PPEF2: variants seen among roughly 807,000 people sequenced by gnomAD.
PPEF2 encodes the protein protein phosphatase with EF-hand domain 2.
A neutral mutation model predicts 84.7 loss-of-function variants in PPEF2; 84 were observed. The observed-to-expected ratio is 0.99, with a 90% CI of 0.83 to 1.19. PPEF2 has a LOEUF of 1.19. Ranked by LOEUF, PPEF2 falls within the 50% of genes most tolerant of loss-of-function variation. PPEF2 has a pLI of 0.00. For missense variants in PPEF2, 924 were observed against 937.5 expected (o/e 0.99, Z 0.19); for synonymous variants, 346 against 345.2 (o/e 1.00, Z -0.03).
chr4:75,898,729 T>G (rs1174726157), intron 1 of PPEF2, among the ~76,000 whole-genome samples: 1 of 152,244 alleles, frequency 6.6e-6, no homozygotes, highest in African/African-American at 2.4e-5. Context: ...ATTTATTTTT[T>G]GCTGACACAT....
chr4:75,896,031 A>G (rs1417654385), intron 2 of PPEF2, among the ~76,000 whole-genome samples: 4 of 152,158 alleles, frequency 2.6e-5, no homozygotes, highest in Non-Finnish European at 5.9e-5. Context: ...GTACCTGGGT[A>G]GTTTGGGATC....
At chr4:75,876,207 A>G (rs1724402130) in intron 11 of PPEF2, 80 bp downstream of exon 11, 8 of 1,495,958 alleles carry the variant, frequency 5.3e-6, no homozygotes, top group Non-Finnish European at 7.1e-6. Flanking sequence ...GCCTCAAAAC[A>G]TATCCTGAGT....
intron 16 of PPEF2, among the ~76,000 whole-genome samples, chr4:75,861,925 A>G (rs986005624): frequency 2.3e-4 from 35 of 151,162 alleles, no homozygotes; most frequent in Admixed American, 2.2e-3. Context: ...ACAGTTTTAT[A>G]GCTAAAAAAA....
At chr4:75,861,347 A>G (rs777589693) in intron 16 of PPEF2, among the ~76,000 whole-genome samples, 10 of 151,888 alleles carry the variant, frequency 6.6e-5, no homozygotes, top group Non-Finnish European at 1.3e-4. Flanking sequence ...GGCCATTAAA[A>G]TCCTCTGGAC....
In PPEF2 at chr4:75,891,564, T is replaced by C. The variant is rs932157973; in HGVS notation, c.241+84A>G. 8 of 1,442,172 alleles carry C rather than the reference T, an allele frequency of 5.5e-6. No individual in the cohort carries two copies. The Admixed American group carries it at 1.1e-4, about 20-fold the overall frequency. The allele number at this position is 1,442,172 out of a possible 1,614,324, so 89.3% of individuals were successfully genotyped here. ...CCCTGGCTGTCACCAGATTCACGGT[T>C]TCACTCCCTGTGCATCCCCCACCTC... On this transcript the variant is annotated intron_variant, in intron 4 of 16. Coordinates refer to ENST00000286719, the MANE Select transcript of PPEF2 (RefSeq NM_006239.3).
chr4:75,891,800 C>T (rs770136646), intron 3 of PPEF2, 51 bp downstream of exon 3: 7 of 1,598,484 alleles, frequency 4.4e-6, no homozygotes, highest in Admixed American at 3.4e-5. Context: ...CACCCGAGCC[C>T]TGCTGCCCAA....
chr4:75,864,359 GA>G, intron 16 of PPEF2, 80 bp downstream of exon 16: 5 of 1,073,612 alleles, frequency 4.7e-6, no homozygotes, highest in South Asian at 4.0e-5. Context: ...GATGAATGAG[GA>G]TGAATCAGGA....
At chr4:75,867,083 T>C (rs967657894) in intron 14 of PPEF2, among the ~76,000 whole-genome samples, 4 of 152,164 alleles carry the variant, frequency 2.6e-5, no homozygotes, top group African/African-American at 4.8e-5. Context: ...CCTGACTCTA[T>C]TTGTTTTCAC....
chr4:75,861,027 C>G, intron 16 of PPEF2, 107 bp from the exon 17 acceptor site: 1 of 1,280,764 alleles, frequency 7.8e-7, no homozygotes, highest in Non-Finnish European at 1.1e-6. Flanking sequence ...AACAGAGAGA[C>G]ACACAAATCC....
chr4:75,867,207 TG>T, intron 14 of PPEF2, 105 bp downstream of exon 14: 2 of 735,702 alleles, frequency 2.7e-6, no homozygotes. Context: ...AAGGGAACTT[TG>T]GGTCACTCAT....
At chr4:75,878,102 C>T (rs1578007115) in intron 10 of PPEF2, among the ~76,000 whole-genome samples, 1 of 152,272 alleles carries the variant, frequency 6.6e-6, no homozygotes, top group Admixed American at 6.5e-5. Flanking sequence ...AGGAAGTGCT[C>T]TTGTACCCAT....
chr4:75,891,430 A>G (rs978420716), intron 4 of PPEF2, among the ~76,000 whole-genome samples: 2 of 152,032 alleles, frequency 1.3e-5, no homozygotes, highest in African/African-American at 2.4e-5. Flanking sequence ...GGTTTCTTGA[A>G]CTTAATAAAT....
rs34920440 is a variant in PPEF2 at position 75,882,539 on chromosome 4, C to CT, written c.933+386dup. On this transcript the variant is annotated intron_variant, in intron 10 of 16. Coordinates refer to ENST00000286719, the MANE Select transcript of PPEF2 (RefSeq NM_006239.3). ...CCTAGCCCAACTGCAGGTTCTCAAT[C>CT]TTTTTTTTTTTTTTAGAAACAGGTT... Among the ~76,000 whole-genome samples, 1,438 of 148,688 alleles carry CT rather than the reference C, an allele frequency of 9.7e-3. 12 individuals are homozygous for CT. The highest frequency in any genetic ancestry group is 0.017 in the African/African-American group (668 of 40,428).
chr4:75,893,296 A>G (rs4859565), intron 2 of PPEF2, among the ~76,000 whole-genome samples: 78,409 of 152,014 alleles, frequency 0.52, 21,754 homozygotes, highest in East Asian at 0.97. Context: ...TGAGGAGTTC[A>G]AGACCAGCCT....
rs778586794 is a variant in PPEF2 at position 75,872,141 on chromosome 4, G to T, written c.1533C>A (p.Asn511Lys). Residue 511 changes from asparagine (N) to lysine (K), a missense_variant, in exon 13 of 17, where the codon AAC (asparagine) becomes AAA (lysine). Coordinates refer to ENST00000286719, the MANE Select transcript of PPEF2 (RefSeq NM_006239.3). ...CTCTGTTGCTGCCAACTTCATAGTA[G>T]TTGGAGGCAGAAAAGATTGTTAATA... ...RKVLTIFSAS[N>K]YYEVGSNRGA... 2 of 1,613,852 alleles carry T rather than the reference G, an allele frequency of 1.2e-6. 1 individual carries two copies. The highest frequency in any genetic ancestry group is 2.2e-5 in the South Asian group (2 of 90,998).
At chr4:75,891,492 G>T (rs1724880565) in intron 4 of PPEF2, among the ~76,000 whole-genome samples, 156 bp downstream of exon 4, 1 of 152,114 alleles carries the variant, frequency 6.6e-6, no homozygotes, top group African/African-American at 2.4e-5. Flanking sequence ...AGGAGAACCT[G>T]GCATAAAACC....
At chr4:75,894,884 C>A (rs1724972922) in intron 2 of PPEF2, among the ~76,000 whole-genome samples, 1 of 152,196 alleles carries the variant, frequency 6.6e-6, no homozygotes, top group Non-Finnish European at 1.5e-5. Context: ...AAACCCTGAG[C>A]TGAAGCTAAT....
chr4:75,897,638 G>C (rs757297731), intron 1 of PPEF2, among the ~76,000 whole-genome samples: 2 of 152,156 alleles, frequency 1.3e-5, no homozygotes, highest in Non-Finnish European at 2.9e-5. Context: ...AGCTGGGTGT[G>C]GTGGTGCACA....
chr4:75,861,521 T>A (rs911327103), intron 16 of PPEF2, among the ~76,000 whole-genome samples: 3 of 148,868 alleles, frequency 2.0e-5, no homozygotes, highest in African/African-American at 7.3e-5. Flanking sequence ...ACTAACTCTA[T>A]ATGGATCAAA....
Sources: gnomAD v4.1 joint callset for allele counts (sites outside exome capture counted in the v4.1 genomes callset) on GRCh38, gnomAD v4.1.1 for gene constraint, MANE v1.5 for transcripts, NCBI Gene and HGNC (gene_info 2026-07-23, HGNC 2026-07-21) for gene names.